Variants in TECPR2 observed in about 807,000 individuals in gnomAD.
The protein encoded by TECPR2 is tectonin beta-propeller repeat containing 2.
In TECPR2, 65 loss-of-function variants were observed where a neutral mutation model predicts 138.1. The ratio of observed to expected loss-of-function variants is 0.47; its 90% confidence interval spans 0.39 to 0.58. TECPR2 has a LOEUF of 0.58. Among genes scored for constraint, TECPR2 ranks in the 20% least tolerant of loss-of-function variants. The pLI is 0.00. For missense variants in TECPR2, 1,553 were observed against 1,824.5 expected (o/e 0.85, Z 2.71); for synonymous variants, 746 against 749.8 (o/e 0.99, Z 0.08).
At chr14:102,403,452 C>T (rs1328770763) in intron 2 of TECPR2, among the ~76,000 whole-genome samples, 1 of 152,188 alleles carries the variant, frequency 6.6e-6, no homozygotes, top group Non-Finnish European at 1.5e-5. Context: ...AGCTTTTCCT[C>T]TAAGATCAGA....
intron 4 of TECPR2, among the ~76,000 whole-genome samples, chr14:102,410,491 A>T (rs1409063918): frequency 1.0e-4 from 15 of 146,020 alleles, no homozygotes; most frequent in Non-Finnish European, 1.8e-4. Flanking sequence ...ATAAAAAATA[A>T]AAAATAAAAA....
chr14:102,432,178 A>G, intron 8 of TECPR2, 50 bp downstream of exon 8: 1 of 1,440,202 alleles, frequency 6.9e-7, no homozygotes, highest in Non-Finnish European at 9.1e-7. Flanking sequence ...GTCTTTCCAG[A>G]TTCTCTGGGA....
chr14:102,470,018 G>C (rs765051936), intron 17 of TECPR2, among the ~76,000 whole-genome samples: 1 of 152,136 alleles, frequency 6.6e-6, no homozygotes, highest in Non-Finnish European at 1.5e-5. Context: ...GAGGATTTTT[G>C]TGTCTATATT....
intron 16 of TECPR2, 80 bp downstream of exon 16, chr14:102,452,707 G>A: frequency 1.6e-6 from 2 of 1,225,060 alleles, no homozygotes; most frequent in Non-Finnish European, 2.3e-6. Context: ...GGACAAAACT[G>A]CCCGGCCTGT....
chr14:102,393,725 A>G (rs1218553951), intron 2 of TECPR2, among the ~76,000 whole-genome samples: 1 of 152,022 alleles, frequency 6.6e-6, no homozygotes, highest in Non-Finnish European at 1.5e-5. Flanking sequence ...CCACCTGGCT[A>G]ATTTTTGTAC....
intron 1 of TECPR2, among the ~76,000 whole-genome samples, chr14:102,368,340 A>C (rs1887402242): frequency 1.3e-5 from 2 of 151,898 alleles, no homozygotes; most frequent in African/African-American, 4.8e-5. Flanking sequence ...TCTTTGGAGA[A>C]ATGTTTCTTA....
At chr14:102,435,283 T>C in intron 9 of TECPR2, 72 bp downstream of exon 9, 1 of 1,498,198 alleles carries the variant, frequency 6.7e-7, no homozygotes, top group South Asian at 1.3e-5. Context: ...CAAGACTGAT[T>C]ATTTTCCTTC....
chr14:102,427,436 G>A (rs1458279436), intron 6 of TECPR2, among the ~76,000 whole-genome samples: 4 of 152,170 alleles, frequency 2.6e-5, no homozygotes, highest in Admixed American at 1.3e-4. Flanking sequence ...CAGCATGACT[G>A]GCAGCTTTCG....
chr14:102,449,645 A>G lies in TECPR2; in HGVS notation c.3092A>G (p.Tyr1031Cys), dbSNP rs1641470585. The change falls in exon 14 of 20, where the codon TAT (tyrosine) becomes TGT (cysteine). Residue 1031 changes from tyrosine (Y) to cysteine (C), a missense_variant. Coordinates refer to ENST00000359520, the MANE Select transcript of TECPR2 (RefSeq NM_014844.5). ...TCCTTCCAGGTGAGCATCACGGACT[A>G]TGTGGTGTTTGACCAGTGCAGCTTA... Reference protein sequence around the residue: ...DHWWQVSITDYVVFDQCSLFQ... With the variant: ...DHWWQVSITDCVVFDQCSLFQ... 6.2e-7 allele frequency: 1 copy of G among 1,614,160 alleles called. No homozygotes were observed.
intron 16 of TECPR2, among the ~76,000 whole-genome samples, chr14:102,463,180 G>A (rs955034996): frequency 3.3e-5 from 5 of 152,122 alleles, no homozygotes; most frequent in African/African-American, 1.2e-4. Context: ...CAGCACTTTG[G>A]GAGGCCGAGA....
intron 1 of TECPR2, among the ~76,000 whole-genome samples, chr14:102,371,560 TC>T (rs145635212): frequency 0.01 from 1,584 of 152,322 alleles, 28 homozygotes; most frequent in African/African-American, 0.036. Context: ...GGCATGGCTG[TC>T]CTGACTCATC....
chr14:102,423,175 G>A (rs1330234074), intron 5 of TECPR2, among the ~76,000 whole-genome samples: 3 of 152,190 alleles, frequency 2.0e-5, no homozygotes, highest in African/African-American at 4.8e-5. Context: ...GCTCATGCCT[G>A]TAATCCCAGC....
At chr14:102,444,286 G>A (rs1889912597) in intron 12 of TECPR2, among the ~76,000 whole-genome samples, 2 of 150,986 alleles carry the variant, frequency 1.3e-5, no homozygotes, top group African/African-American at 2.4e-5. Context: ...CTTGACCTCC[G>A]GGCTCAGGTG....
intron 17 of TECPR2, among the ~76,000 whole-genome samples, chr14:102,474,890 A>G (rs1030551764): frequency 6.6e-6 from 1 of 152,056 alleles, no homozygotes; most frequent in Non-Finnish European, 1.5e-5. Context: ...AGACTGGAAA[A>G]CACATAACCT....
chr14:102,431,309 G>C (rs8006258), intron 7 of TECPR2, among the ~76,000 whole-genome samples: 6,135 of 149,080 alleles, frequency 0.041, 146 homozygotes, highest in Middle Eastern at 0.094. Context: ...GTTTCTTAGA[G>C]TCTTTTGTAT....
At chr14:102,418,020 G>A (rs890929943) in intron 5 of TECPR2, among the ~76,000 whole-genome samples, 2 of 152,164 alleles carry the variant, frequency 1.3e-5, no homozygotes. Context: ...GACTGGGGAA[G>A]GCTGGGCCAG....
chr14:102,493,884 C>T (rs979364521), intron 17 of TECPR2, among the ~76,000 whole-genome samples: 12 of 152,328 alleles, frequency 7.9e-5, no homozygotes, highest in African/African-American at 2.6e-4. Flanking sequence ...AAGCTGGGAC[C>T]GCTGTCCAGG....
chr14:102,370,787 A>G (rs1047937275), intron 1 of TECPR2, among the ~76,000 whole-genome samples: 3 of 152,046 alleles, frequency 2.0e-5, no homozygotes, highest in Non-Finnish European at 2.9e-5. Flanking sequence ...CACCAGAGAG[A>G]GCTGCAGGTG....
chr14:102,437,027 C>T (rs532383693), intron 9 of TECPR2: 1,034 of 985,396 alleles, frequency 1.0e-3, no homozygotes, highest in Non-Finnish European at 1.2e-3. Context: ...CATCCCACTC[C>T]AGGTAGCTGG....
Sources: gnomAD v4.1 joint callset for allele counts (sites outside exome capture counted in the v4.1 genomes callset) on GRCh38, gnomAD v4.1.1 for gene constraint, MANE v1.5 for transcripts, NCBI Gene and HGNC (gene_info 2026-07-23, HGNC 2026-07-21) for gene names.